IQSEC1: variants seen among roughly 807,000 people sequenced by gnomAD.
IQSEC1 encodes IQ motif and Sec7 domain ArfGEF 1.
IQSEC1 carries 31 observed loss-of-function variants against 91.0 expected under a neutral mutation model. That is an observed-to-expected ratio of 0.34 (90% CI 0.26 to 0.46). IQSEC1 has a LOEUF of 0.46. IQSEC1 is among the 20% of genes least tolerant of loss of function. The pLI is 1.00. For synonymous variants in IQSEC1, 699 were observed against 662.6 expected (o/e 1.05, Z -0.84); for missense variants, 1,388 against 1,575.6 (o/e 0.88, Z 2.02).
At chr3:13,125,348 G>A (rs1706496088) in intron 2 of IQSEC1, among the ~76,000 whole-genome samples, 1 of 152,132 alleles carries the variant, frequency 6.6e-6, no homozygotes, top group South Asian at 2.1e-4. Flanking sequence ...CCTCCACCAG[G>A]TGAGGCCCTC....
Position 13,282,657 on chromosome 3 carries a change from A to T in IQSEC1, c.272+54T>A, listed in dbSNP as rs977394256. Among the ~76,000 whole-genome samples, 1 of 148,636 alleles carries T rather than the reference A, an allele frequency of 6.7e-6. No individual in the cohort carries two copies. Among genetic ancestry groups the T allele is most frequent in the Non-Finnish European group, 1.5e-5 (1 of 67,174 alleles). Reference sequence around the variant, plus strand: ...CGCCAAGCCCCGAGGGAAGCCGCGGACCCCAAGAAGTTCCCACGTCCCCGA... The same window carrying T: ...CGCCAAGCCCCGAGGGAAGCCGCGGTCCCCAAGAAGTTCCCACGTCCCCGA... On this transcript the variant is annotated intron_variant, in intron 1 of 15. Coordinates refer to the IQSEC1 transcript ENST00000648114. The surrounding 1 kb of genome is among the most constrained non-coding windows in gnomAD (Gnocchi z 6.4).
intron 1 of IQSEC1, among the ~76,000 whole-genome samples, chr3:13,242,136 C>T (rs2125104255): frequency 6.6e-6 from 1 of 152,296 alleles, no homozygotes; most frequent in Non-Finnish European, 1.5e-5. Flanking sequence ...CTGTGAGAGC[C>T]CCAGGCCTGG....
Position 13,103,822 on chromosome 3 carries a change from C to T in IQSEC1, c.303-56300G>A, listed in dbSNP as rs1706103801. Among the ~76,000 whole-genome samples the T allele has an allele frequency of 6.6e-6, 1 of 152,214 alleles. No individual in the cohort carries two copies. Among genetic ancestry groups the T allele is most frequent in the South Asian group, 2.1e-4 (1 of 4,832 alleles). ...CTGTGTCTGCCTCCATCACTGCTCT[C>T]TCCCCAGCGTGCGGCACATAGTAGG... On this transcript the variant is annotated intron_variant, in intron 2 of 15. Transcript: ENST00000648114. The surrounding 1 kb of genome is among the most constrained non-coding windows in gnomAD (Gnocchi z 4.1).
intron 6 of IQSEC1, among the ~76,000 whole-genome samples, chr3:12,916,229 C>T (rs1252099179): frequency 6.6e-6 from 1 of 152,194 alleles, no homozygotes; most frequent in African/African-American, 2.4e-5. Flanking sequence ...TCCTCTAAAA[C>T]ACCTTGCCCA....
In IQSEC1 at chr3:12,967,469, CG is replaced by C; in HGVS notation, c.24-25605del. ...CACCACATGGCGGCCGCAGTGGGAGCGGGCCGGGCCGGGAGCCGGGACCCAG... is the reference window on the plus strand; with the variant it reads ...CACCACATGGCGGCCGCAGTGGGAGCGGCCGGGCCGGGAGCCGGGACCCAG... On this transcript the variant is annotated intron_variant, in intron 1 of 13. Transcript: ENST00000613206. This position sits in a 1 kb window ranked among gnomAD's most constrained non-coding sequence, Gnocchi z 5.9. 1 of 1,504,226 alleles carries C rather than the reference CG, an allele frequency of 6.6e-7. No individual in the cohort carries two copies. Among genetic ancestry groups the C allele is most frequent in the Non-Finnish European group, 8.8e-7 (1 of 1,132,318 alleles). 93.2% of individuals were successfully genotyped at this position (1,504,226 alleles called of 1,614,324 possible).
intron 1 of IQSEC1, among the ~76,000 whole-genome samples, chr3:12,952,658 C>T (rs1343447951): frequency 2.0e-5 from 3 of 152,216 alleles, no homozygotes; most frequent in South Asian, 4.1e-4. Context: ...ACCCCCTGGC[C>T]ACTCCAGCCC....
chr3:13,009,851 C>T (rs937845002), intron 1 of IQSEC1, among the ~76,000 whole-genome samples: 3 of 152,190 alleles, frequency 2.0e-5, no homozygotes, highest in Admixed American at 6.5e-5. Context: ...CTCCTACTCC[C>T]ATCCTCTGCC....
intron 5 of IQSEC1, 73 bp from the exon 6 acceptor site, chr3:12,920,669 C>CT: frequency 2.7e-6 from 4 of 1,483,878 alleles, no homozygotes; most frequent in Non-Finnish European, 3.7e-6. Flanking sequence ...CCCGCTGAGG[C>CT]TGTCATGTGC....
chr3:13,042,836 C>T (rs1704334552), intron 1 of IQSEC1, among the ~76,000 whole-genome samples: 3 of 152,176 alleles, frequency 2.0e-5, no homozygotes, highest in African/African-American at 7.2e-5. Context: ...CTGGCTGGCC[C>T]AGAGTGGCTG....
chr3:13,138,114 C>T (rs1576267331), intron 2 of IQSEC1, among the ~76,000 whole-genome samples: 1 of 152,150 alleles, frequency 6.6e-6, no homozygotes, highest in East Asian at 1.9e-4. Context: ...GGGGATCATA[C>T]TGGGGATGAC....
intron 1 of IQSEC1, among the ~76,000 whole-genome samples, chr3:13,240,060 T>C (rs1278505695): frequency 6.6e-6 from 1 of 150,430 alleles, no homozygotes; most frequent in Non-Finnish European, 1.5e-5. Flanking sequence ...CAATTCAACA[T>C]CTACAACTTT....
intron 2 of IQSEC1, among the ~76,000 whole-genome samples, chr3:13,120,394 A>C (rs1290292010): frequency 1.3e-5 from 2 of 152,160 alleles, no homozygotes; most frequent in Non-Finnish European, 2.9e-5. Context: ...GAAGGGAGAC[A>C]CGGGCCAAGT....
chr3:13,114,792 C>CAA (rs11462232), intron 2 of IQSEC1, among the ~76,000 whole-genome samples: 2,283 of 90,094 alleles, frequency 0.025, 70 homozygotes, highest in African/African-American at 0.063. Flanking sequence ...GACATCGTCT[C>CAA]AAAAAAAAAA....
chr3:12,902,670 CAAAAAAAAAAA>C (rs1213830618), intron 13 of IQSEC1, 92 bp downstream of exon 13: 13 of 192,644 alleles, frequency 6.7e-5, no homozygotes, highest in Admixed American at 1.9e-4. Context: ...AAAAAAAAAC[CAAAAAAAAAAA>C]AAAAAAAAAA....
Position 12,992,731 on chromosome 3 carries a change from T to G in IQSEC1, c.24-50866A>C, listed in dbSNP as rs748568688. On this transcript the variant is annotated intron_variant, in intron 1 of 13. Coordinates refer to ENST00000613206, the MANE Select transcript of IQSEC1 (RefSeq NM_001134382.3). The surrounding 1 kb of genome is among the most constrained non-coding windows in gnomAD (Gnocchi z 4.1). ...ACCAGGCAGAGCCGACTGCTGTCCT[T>G]GTGAGCCTCATCTCCTGGACAAGGC... Among the ~76,000 whole-genome samples, 5 of 152,180 alleles carry G rather than the reference T, an allele frequency of 3.3e-5. No individual in the cohort carries two copies. The highest frequency in any genetic ancestry group is 4.8e-5 in the African/African-American group (2 of 41,436).
At chr3:12,985,505 C>T (rs1380790083) in intron 1 of IQSEC1, among the ~76,000 whole-genome samples, 1 of 151,332 alleles carries the variant, frequency 6.6e-6, no homozygotes, top group Non-Finnish European at 1.5e-5. Context: ...CCCCCCCCGC[C>T]AACCGTTTGC....
At chr3:13,204,469 G>A (rs913648013) in intron 1 of IQSEC1, among the ~76,000 whole-genome samples, 13 of 152,272 alleles carry the variant, frequency 8.5e-5, no homozygotes, top group Non-Finnish European at 1.9e-4. Flanking sequence ...GGCAGGAGCT[G>A]CTCTTAACCT....
chr3:13,136,709 T>C (rs1315433306), intron 2 of IQSEC1, among the ~76,000 whole-genome samples: 3 of 152,174 alleles, frequency 2.0e-5, no homozygotes, highest in South Asian at 2.1e-4. Flanking sequence ...AGCAGGATCT[T>C]AAAGAGATGT....
chr3:12,986,510 C>T (rs1701742205), intron 1 of IQSEC1, among the ~76,000 whole-genome samples: 2 of 152,220 alleles, frequency 1.3e-5, no homozygotes, highest in South Asian at 2.1e-4. Context: ...GCAGGAGTAA[C>T]GATGGCCCAA....
Sources: gnomAD v4.1 joint callset for allele counts (sites outside exome capture counted in the v4.1 genomes callset) on GRCh38, gnomAD v4.1.1 for gene constraint, Gnocchi (gnomAD v3.1) non-coding constraint, MANE v1.5 for transcripts, NCBI Gene and HGNC (gene_info 2026-07-23, HGNC 2026-07-21) for gene names.